The following NDFIP2 variants were observed in gnomAD, a reference collection of about 807,000 sequenced individuals.
NDFIP2 encodes Nedd4 family interacting protein 2.
A neutral mutation model predicts 36.0 loss-of-function variants in NDFIP2; 19 were observed. The observed-to-expected ratio is 0.53, with a 90% CI of 0.37 to 0.77. NDFIP2 has a LOEUF of 0.77. Among genes scored for constraint, NDFIP2 ranks in the 30% least tolerant of loss-of-function variants. The pLI, the probability that NDFIP2 is intolerant of heterozygous loss-of-function variation, is 0.00. For missense variants in NDFIP2, 446 were observed against 435.8 expected (o/e 1.02, Z -0.21); for synonymous variants, 181 against 167.7 (o/e 1.08, Z -0.61).
chr13:79,542,190 C>T (rs1875480096), intron 4 of NDFIP2, among the ~76,000 whole-genome samples: 1 of 152,142 alleles, frequency 6.6e-6, no homozygotes, highest in Admixed American at 6.6e-5. Context: ...TTATTTGATC[C>T]TGTTTAGAAA....
At chr13:79,521,702 C>G (rs1191532856) in intron 2 of NDFIP2, among the ~76,000 whole-genome samples, 1 of 151,908 alleles carries the variant, frequency 6.6e-6, no homozygotes, top group Admixed American at 6.6e-5. Flanking sequence ...TGTGTAAACT[C>G]AATATTTCTT....
At chr13:79,482,481 C>T (rs1406253271) in intron 1 of NDFIP2, among the ~76,000 whole-genome samples, 1 of 152,078 alleles carries the variant, frequency 6.6e-6, no homozygotes, top group East Asian at 1.9e-4. Flanking sequence ...GGTAGCATGT[C>T]ATTCTACAAA....
chr13:79,509,690 T>C (rs61966688), intron 1 of NDFIP2, among the ~76,000 whole-genome samples: 1 of 147,808 alleles, frequency 6.8e-6, no homozygotes, highest in African/African-American at 2.5e-5. Context: ...TATATATATA[T>C]AGAGAGAGAG....
chr13:79,514,408 A>T (rs751150854), intron 1 of NDFIP2, among the ~76,000 whole-genome samples: 9 of 152,216 alleles, frequency 5.9e-5, no homozygotes, highest in Non-Finnish European at 1.3e-4. Flanking sequence ...CAAGACAGAC[A>T]TAACCTCCAC....
intron 1 of NDFIP2, among the ~76,000 whole-genome samples, chr13:79,517,162 T>C (rs1874382433): frequency 6.6e-6 from 1 of 152,164 alleles, no homozygotes; most frequent in Admixed American, 6.5e-5. Flanking sequence ...ACCACCCTGG[T>C]TGATACATTA....
chr13:79,491,726 T>A (rs949213807), intron 1 of NDFIP2, among the ~76,000 whole-genome samples: 1 of 152,210 alleles, frequency 6.6e-6, no homozygotes, highest in East Asian at 1.9e-4. Flanking sequence ...TGGTATGGAA[T>A]CTTCTACTGA....
chr13:79,513,630 A>G (rs1874158900), intron 1 of NDFIP2, among the ~76,000 whole-genome samples: 1 of 152,082 alleles, frequency 6.6e-6, no homozygotes, highest in African/African-American at 2.4e-5. Flanking sequence ...TGGAAGATAG[A>G]CAACCTTAGA....
chr13:79,530,001 T>C (rs547993154), intron 2 of NDFIP2, among the ~76,000 whole-genome samples: 188 of 152,310 alleles, frequency 1.2e-3, no homozygotes, highest in African/African-American at 4.4e-3. Context: ...CATATCTTAA[T>C]TTAAAACTTT....
At position 79,520,969 on chromosome 13, in the gene NDFIP2, A is replaced by G. The variant is rs371287967; in HGVS notation, c.481A>G (p.Thr161Ala). ...YSSITVEVPT[T>A]SDTEVYGEFY... The stretch of plus-strand genomic sequence containing the variant: ...TAGTATTACTGTGGAAGTACCTACA[A>G]CTTCAGGTATGAAACATCTAGTAAT... Residue 161 changes from threonine (T) to alanine (A), a missense_variant, in exon 2 of 8, where the codon ACT becomes GCT. By Grantham distance (58) the Thr-to-Ala change is moderately conservative. Transcript: ENST00000218652. 16 of 1,590,770 alleles carry G rather than the reference A, an allele frequency of 1.0e-5. No homozygotes were observed. The African/African-American group carries it at 1.6e-4, about 16-fold the overall frequency.
chr13:79,508,402 G>C (rs1374050914), intron 1 of NDFIP2, among the ~76,000 whole-genome samples: 2 of 152,208 alleles, frequency 1.3e-5, no homozygotes, highest in Non-Finnish European at 2.9e-5. Context: ...AAGTTTATTA[G>C]AGAAGTAAAG....
chr13:79,512,685 T>C (rs1874124267), intron 1 of NDFIP2, among the ~76,000 whole-genome samples: 1 of 152,188 alleles, frequency 6.6e-6, no homozygotes. Context: ...TGAACCCTTT[T>C]TTTTGGTCAC....
chr13:79,507,811 ATTTG>A (rs1358695972), intron 1 of NDFIP2, among the ~76,000 whole-genome samples: 5 of 151,836 alleles, frequency 3.3e-5, no homozygotes, highest in Non-Finnish European at 7.4e-5. Context: ...ATCTTGCTGT[ATTTG>A]TTTGAGATCT....
At chr13:79,543,782 G>A (rs1875551554) in intron 5 of NDFIP2, 100 bp downstream of exon 5, 1 of 1,419,654 alleles carries the variant, frequency 7.0e-7, no homozygotes, top group Non-Finnish European at 9.6e-7. Flanking sequence ...CATGAATTCA[G>A]TTATTTCAAG....
At chr13:79,528,802 A>G (rs1258393895) in intron 2 of NDFIP2, among the ~76,000 whole-genome samples, 1 of 152,172 alleles carries the variant, frequency 6.6e-6, no homozygotes, top group Non-Finnish European at 1.5e-5. Flanking sequence ...CTAGTTATGT[A>G]GTAGGCTCTA....
At chr13:79,541,333 A>G (rs58088304) in intron 4 of NDFIP2, among the ~76,000 whole-genome samples, 6,487 of 151,652 alleles carry the variant, frequency 0.043, 471 homozygotes, top group African/African-American at 0.15. Context: ...TGTGTTATAA[A>G]TGCATGGTAA....
chr13:79,524,764 A>G (rs1874726266), intron 2 of NDFIP2, among the ~76,000 whole-genome samples: 1 of 152,240 alleles, frequency 6.6e-6, no homozygotes, highest in Non-Finnish European at 1.5e-5. Flanking sequence ...ATTTGGGCAG[A>G]TAATTTTTCA....
At chr13:79,510,986 G>A (rs1265953997) in intron 1 of NDFIP2, among the ~76,000 whole-genome samples, 1 of 136,618 alleles carries the variant, frequency 7.3e-6, no homozygotes, top group Non-Finnish European at 1.6e-5. Flanking sequence ...GTGACAGAGC[G>A]AGACTCTGTC....
chr13:79,533,586 A>G (rs995177182), intron 3 of NDFIP2, 130 bp downstream of exon 3: 4 of 678,042 alleles, frequency 5.9e-6, no homozygotes, highest in Non-Finnish European at 9.2e-6. Flanking sequence ...ATGGGTTTAA[A>G]CTGCACAGGT....
chr13:79,499,409 T>C (rs928975435), intron 1 of NDFIP2, among the ~76,000 whole-genome samples: 2 of 151,946 alleles, frequency 1.3e-5, no homozygotes, highest in African/African-American at 4.8e-5. Flanking sequence ...ATAAAAGTTA[T>C]AGATTGGGAA....
Sources: allele counts gnomAD v4.1 joint callset (sites outside exome capture counted in the v4.1 genomes callset), GRCh38; gene constraint gnomAD v4.1.1; transcripts MANE v1.5; gene names NCBI Gene and HGNC (gene_info 2026-07-23, HGNC 2026-07-21).